The following CERS3 variants were observed in gnomAD, a reference collection of about 807,000 sequenced individuals.
CERS3 encodes ceramide synthase 3, also known as LAG1 homolog, ceramide synthase 3.
In CERS3, 33 loss-of-function variants were observed where a neutral mutation model predicts 50.3. The ratio of observed to expected loss-of-function variants is 0.66; its 90% CI spans 0.50 to 0.88. The LOEUF (loss-of-function observed/expected upper bound fraction) is 0.88. Ranked by LOEUF, CERS3 falls within the 40% of genes least tolerant of loss-of-function variation. The probability of loss-of-function intolerance (pLI) is 0.00; values close to 1 mark genes in which losing one functional copy is unlikely to be tolerated. For synonymous variants in CERS3, 176 were observed against 155.2 expected (o/e 1.13, Z -0.99); for missense variants, 470 against 460.3 (o/e 1.02, Z -0.19).
At chr15:100,517,685 T>A (rs1249161443) in intron 2 of CERS3, among the ~76,000 whole-genome samples, 1 of 152,144 alleles carries the variant, frequency 6.6e-6, no homozygotes, top group African/African-American at 2.4e-5. Context: ...GTGTTTCTTA[T>A]GTAATGTTTG....
intron 11 of CERS3, among the ~76,000 whole-genome samples, chr15:100,434,212 G>T (rs890493618): frequency 1.6e-4 from 24 of 152,240 alleles, no homozygotes; most frequent in African/African-American, 5.8e-4. Context: ...GAAAGGACAG[G>T]CATTCCATGA....
chr15:100,533,764 T>A (rs929799677), upstream of CERS3, among the ~76,000 whole-genome samples: 2 of 152,090 alleles, frequency 1.3e-5, no homozygotes, highest in African/African-American at 4.8e-5. Flanking sequence ...TTCACCCTGT[T>A]AGCCAGGATG....
intron 1 of CERS3, among the ~76,000 whole-genome samples, chr15:100,543,482 G>GCTTC (rs150739556): frequency 0.51 from 76,903 of 149,450 alleles, 19,891 homozygotes; most frequent in East Asian, 0.72. Flanking sequence ...ACAAGAGAAG[G>GCTTC]CTTCCTTCCT....
chr15:100,499,291 T>C (rs1392372300), intron 3 of CERS3, among the ~76,000 whole-genome samples: 2 of 152,020 alleles, frequency 1.3e-5, no homozygotes, highest in African/African-American at 2.4e-5. Flanking sequence ...TTCAGACACA[T>C]AAAAGAATGC....
intron 2 of CERS3, among the ~76,000 whole-genome samples, chr15:100,513,476 T>G (rs1377749145): frequency 6.6e-6 from 1 of 152,108 alleles, no homozygotes; most frequent in Non-Finnish European, 1.5e-5. Flanking sequence ...TCTGTGATAC[T>G]GCAACTGTGA....
chr15:100,485,498 A>T (rs964345018), intron 4 of CERS3, among the ~76,000 whole-genome samples: 1 of 152,230 alleles, frequency 6.6e-6, no homozygotes, highest in Non-Finnish European at 1.5e-5. Context: ...CTTTAAACCT[A>T]TGGTAACCTT....
chr15:100,482,621 G>A (rs1001652290), intron 5 of CERS3, among the ~76,000 whole-genome samples: 1 of 151,504 alleles, frequency 6.6e-6, no homozygotes, highest in Non-Finnish European at 1.5e-5. Context: ...TAAAAAAAAG[G>A]GCCCATTATG....
intron 11 of CERS3, among the ~76,000 whole-genome samples, chr15:100,411,582 T>A (rs1447225299): frequency 1.3e-5 from 2 of 152,214 alleles, no homozygotes; most frequent in East Asian, 3.8e-4. Flanking sequence ...TTGTGAATAA[T>A]GCTGCTACGA....
chr15:100,510,389 A>G (rs944517305), intron 2 of CERS3, among the ~76,000 whole-genome samples: 1 of 152,224 alleles, frequency 6.6e-6, no homozygotes. Context: ...AAATTTAACA[A>G]TTATATTAAT....
At chr15:100,506,597 C>T (rs1018633326) in intron 2 of CERS3, among the ~76,000 whole-genome samples, 1 of 152,138 alleles carries the variant, frequency 6.6e-6, no homozygotes, top group Admixed American at 6.5e-5. Flanking sequence ...TGTAATTCTA[C>T]TCCTAGGCAT....
intron 5 of CERS3, among the ~76,000 whole-genome samples, chr15:100,482,357 G>T (rs1345215570): frequency 2.0e-5 from 3 of 152,178 alleles, no homozygotes; most frequent in Non-Finnish European, 4.4e-5. Flanking sequence ...GGAATGGGCA[G>T]AGTGGTGAGA....
intron 11 of CERS3, among the ~76,000 whole-genome samples, chr15:100,417,229 C>T (rs978389912): frequency 1.3e-5 from 2 of 151,342 alleles, no homozygotes; most frequent in Admixed American, 6.6e-5. Flanking sequence ...GTGCGTGCAC[C>T]GTGCGTGAGC....
Position 100,411,256 on chromosome 15 carries a change from G to A in CERS3, c.1000-8391C>T, listed in dbSNP as rs148556431. Among the ~76,000 whole-genome samples the A allele has an allele frequency of 4.4e-3, 663 of 152,208 alleles. 5 individuals carry two copies. The highest frequency in any genetic ancestry group is 0.015 in the African/African-American group (604 of 41,512). ...TGGCTCACTGCAACCTCGCCTCCCTGGTACAAGTGATTCTCCTGCCTCAGC... is the reference window on the plus strand; with the variant it reads ...TGGCTCACTGCAACCTCGCCTCCCTAGTACAAGTGATTCTCCTGCCTCAGC... On this transcript the variant is annotated intron_variant, in intron 11 of 11. Transcript: ENST00000679737.
chr15:100,418,326 T>A (rs1567598067), intron 11 of CERS3, among the ~76,000 whole-genome samples: 1 of 151,812 alleles, frequency 6.6e-6, no homozygotes, highest in Non-Finnish European at 1.5e-5. Context: ...GAAGAAAGGG[T>A]ATCAGGGATG....
chr15:100,409,892 C>T (rs2031344489), intron 11 of CERS3, among the ~76,000 whole-genome samples: 1 of 152,200 alleles, frequency 6.6e-6, no homozygotes, highest in Non-Finnish European at 1.5e-5. Context: ...ACCTGGGTGT[C>T]AGCAGCCACA....
intron 10 of CERS3, among the ~76,000 whole-genome samples, chr15:100,465,512 C>A (rs1443175364): frequency 6.6e-6 from 1 of 152,224 alleles, no homozygotes; most frequent in Non-Finnish European, 1.5e-5. Flanking sequence ...CTCTGATTGA[C>A]ATACTTCCTT....
intron 10 of CERS3, 100 bp downstream of exon 10, chr15:100,469,278 G>C (rs2034884052): frequency 1.3e-6 from 1 of 763,936 alleles, no homozygotes; most frequent in South Asian, 1.8e-5. Flanking sequence ...CAAATAACTG[G>C]AGACCCACGT....
Position 100,506,460 on chromosome 15 carries a change from G to GACC in CERS3, c.-1-4613_-1-4611dup, listed in dbSNP as rs1345266268. ...TGCTGACGGGGTGTGAAGAAATCGG[G>GACC]ACCCCCCCGCCGCCCCACACACACA... On this transcript the variant is annotated intron_variant, in intron 2 of 11. Transcript: ENST00000679737. Among the ~76,000 whole-genome samples the GACC allele has an allele frequency of 4.0e-4, 3 of 7,542 alleles. 1 individual carries two copies. Among genetic ancestry groups the GACC allele is most frequent in the Non-Finnish European group, 6.5e-3 (2 of 310 alleles). 4.9% of individuals were successfully genotyped at this position (7,542 alleles called of 152,430 possible). A position where few individuals can be genotyped will look rare whatever the true frequency, so the allele number is the denominator to read the frequency against.
At chr15:100,543,590 C>T (rs1019811951) in intron 1 of CERS3, among the ~76,000 whole-genome samples, 2 of 150,660 alleles carry the variant, frequency 1.3e-5, no homozygotes, top group African/African-American at 4.9e-5. Context: ...AGTGCAATGG[C>T]GCGATCTCGG....
Sources: allele counts gnomAD v4.1 joint callset (sites outside exome capture counted in the v4.1 genomes callset), GRCh38; gene constraint gnomAD v4.1.1; transcripts MANE v1.5; gene names NCBI Gene and HGNC (gene_info 2026-07-23, HGNC 2026-07-21).